ARHGEF10: variants seen among roughly 807,000 people sequenced by gnomAD.
ARHGEF10 encodes the protein Rho guanine nucleotide exchange factor 10.
ARHGEF10 carries 140 observed loss-of-function variants against 147.4 expected under a neutral mutation model. The ratio of observed to expected loss-of-function variants is 0.95; its 90% confidence interval spans 0.83 to 1.09. The LOEUF (loss-of-function observed/expected upper bound fraction) is 1.09. Ranked by LOEUF, ARHGEF10 falls within the 50% of genes least tolerant of loss-of-function variation. The pLI, the probability that ARHGEF10 is intolerant of heterozygous loss-of-function variation, is 0.00. For synonymous variants in ARHGEF10, 902 were observed against 695.8 expected (o/e 1.30, Z -4.67); for missense variants, 2,222 against 1,752.7 (o/e 1.27, Z -4.78).
chr8:1,890,042 G>C (rs1294346204), intron 11 of ARHGEF10, among the ~76,000 whole-genome samples: 2 of 149,016 alleles, frequency 1.3e-5, no homozygotes, highest in South Asian at 2.1e-4. Context: ...GAGACACTGA[G>C]TGGGGTAAGG....
intron 14 of ARHGEF10, among the ~76,000 whole-genome samples, chr8:1,897,673 G>C (rs1249666201): frequency 6.6e-6 from 1 of 152,210 alleles, no homozygotes; most frequent in Non-Finnish European, 1.5e-5. Context: ...CTGTCCTTTG[G>C]CTAGGGAACC....
chr8:1,836,622 G>T (rs867963774), intron 1 of ARHGEF10, among the ~76,000 whole-genome samples: 4 of 152,194 alleles, frequency 2.6e-5, no homozygotes, highest in African/African-American at 7.2e-5. Flanking sequence ...AGCAGGCTGT[G>T]GGGGGGAGAA....
At position 1,957,034 on chromosome 8, in the gene ARHGEF10, C is replaced by G; in HGVS notation, c.3806C>G (p.Ser1269Cys). 6.2e-7 allele frequency: 1 copy of G among 1,613,968 alleles called. No individual in the cohort carries two copies. Among genetic ancestry groups the G allele is most frequent in the South Asian group, 1.1e-5 (1 of 91,086 alleles). The change falls in exon 29 of 29, where the codon TCC becomes TGC. Residue 1269 changes from serine to cysteine, a missense_variant. Physicochemically the swap from Ser to Cys is moderately radical, Grantham distance 112. Coordinates refer to ENST00000349830, the MANE Select transcript of ARHGEF10 (RefSeq NM_014629.4). ...GGGTCCCTGAGCTTGTCTCACGGCT[C>G]CAGCTCTCTAGAGCACAGATCAGAG... ...SSGSLSLSHG[S>C]SSLEHRSEDS...
intron 25 of ARHGEF10, among the ~76,000 whole-genome samples, chr8:1,930,003 C>T (rs982163038): frequency 5.3e-5 from 8 of 152,152 alleles, no homozygotes; most frequent in Non-Finnish European, 7.3e-5. Flanking sequence ...CAGCCCCTGC[C>T]GCGTTGGTGG....
chr8:1,858,258 T>C (rs545934959), intron 3 of ARHGEF10, 143 bp downstream of exon 3: 2 of 479,296 alleles, frequency 4.2e-6, no homozygotes, highest in Middle Eastern at 6.8e-4. Flanking sequence ...GTGAGTCCCC[T>C]GGGGGGTTCC....
intron 25 of ARHGEF10, among the ~76,000 whole-genome samples, chr8:1,932,321 GCA>G (rs774903555): frequency 5.3e-5 from 8 of 152,224 alleles, no homozygotes; most frequent in Admixed American, 1.3e-4. Flanking sequence ...ATGTGTGTAT[GCA>G]CACGTGATTG....
intron 2 of ARHGEF10, among the ~76,000 whole-genome samples, chr8:1,849,805 CTG>C (rs1804896196): frequency 1.5e-5 from 2 of 135,600 alleles, no homozygotes; most frequent in African/African-American, 2.9e-5. Flanking sequence ...CGTGGGCCGG[CTG>C]CGTGGACACA....
chr8:1,951,807 G>T (rs1399880434), intron 27 of ARHGEF10, among the ~76,000 whole-genome samples: 1 of 152,096 alleles, frequency 6.6e-6, no homozygotes, highest in Non-Finnish European at 1.5e-5. Flanking sequence ...GAGTTGTGGT[G>T]GAATGATGTG....
At chr8:1,893,079 T>A (rs1465448949) in intron 11 of ARHGEF10, among the ~76,000 whole-genome samples, 1 of 115,426 alleles carries the variant, frequency 8.7e-6, no homozygotes, top group Non-Finnish European at 1.6e-5. Flanking sequence ...TTTGGATGGT[T>A]GAAAGATCTT....
chr8:1,909,300 C>G lies in ARHGEF10; in HGVS notation c.1973C>G (p.Ser658Cys), dbSNP rs766021115. 2 of 1,614,238 alleles carry G rather than the reference C, an allele frequency of 1.2e-6. No individual in the cohort carries two copies. The highest frequency in any genetic ancestry group is 8.5e-7 in the Non-Finnish European group (1 of 1,180,044). ...LMCATVSSRP[S>C]HDSRVMSSQR... The stretch of plus-strand genomic sequence containing the variant: ...GGATCTTTTGGTCGTTTCAGCCCCT[C>G]TCATGACAGCCGTGTGATGAGCAGC... Residue 658 changes from serine to cysteine, a missense_variant, in exon 18 of 29, where the codon TCT (serine) becomes TGT (cysteine). By Grantham distance (112) the Ser-to-Cys change is moderately radical. Coordinates refer to ENST00000349830, the MANE Select transcript of ARHGEF10 (RefSeq NM_014629.4).
chr8:1,885,487 T>A (rs1474013096), intron 10 of ARHGEF10, 114 bp from the exon 11 acceptor site: 2 of 729,436 alleles, frequency 2.7e-6, no homozygotes, highest in Non-Finnish European at 4.7e-6. Flanking sequence ...CAAGTAAGCA[T>A]GGAAAATTGA....
intron 26 of ARHGEF10, chr8:1,943,743 A>G: frequency 6.6e-6 from 1 of 152,210 alleles, no homozygotes; most frequent in East Asian, 1.9e-4. Flanking sequence ...ATTGACAAAT[A>G]TTTAAATTCA....
rs139807356 is a variant in ARHGEF10, at chr8:1,929,888, C to G, written c.3079+445C>G. ...TCTCTTGGCCACAGGGCTAAGGACT[C>G]CATTGTGTTCTGCTGGGTGCCTTAG... On this transcript the variant is annotated intron_variant, in intron 25 of 28. Transcript: ENST00000349830. Among the ~76,000 whole-genome samples the G allele has an allele frequency of 3.9e-3, 590 of 152,312 alleles. 4 individuals are homozygous for G. Among genetic ancestry groups the G allele is most frequent in the East Asian group, 0.031 (160 of 5,148 alleles).
At chr8:1,843,233 A>G (rs574863215) in intron 1 of ARHGEF10, 120 bp from the exon 2 acceptor site, 11 of 714,684 alleles carry the variant, frequency 1.5e-5, no homozygotes, top group South Asian at 1.5e-4. Context: ...TCTTCTAATT[A>G]TGGCTAGTAA....
At chr8:1,929,265 G>A in intron 24 of ARHGEF10, 21 bp from the exon 25 acceptor site, 1 of 1,612,732 alleles carries the variant, frequency 6.2e-7, no homozygotes, top group Non-Finnish European at 8.5e-7. Flanking sequence ...ATATTTATTA[G>A]CTTGTATTTT....
intron 2 of ARHGEF10, among the ~76,000 whole-genome samples, chr8:1,850,915 T>G (rs1223682198): frequency 6.6e-6 from 1 of 152,032 alleles, no homozygotes; most frequent in Non-Finnish European, 1.5e-5. Context: ...GAGCCTTAAA[T>G]GCATCTTACT....
chr8:1,867,516 G>A (rs1224006976), intron 6 of ARHGEF10, among the ~76,000 whole-genome samples: 2 of 152,040 alleles, frequency 1.3e-5, no homozygotes, highest in Non-Finnish European at 2.9e-5. Flanking sequence ...ATTATGTCCC[G>A]TCTCTGTGTG....
In ARHGEF10 at chr8:1,896,417, G is replaced by C; in HGVS notation, c.1525G>C (p.Ala509Pro). The change falls in exon 14 of 29, where the codon GCC becomes CCC. Residue 509 changes from alanine to proline, a missense_variant. Physicochemically the swap from Ala to Pro is conservative, Grantham distance 27 (BLOSUM62 -1). Transcript: ENST00000349830. ...CGTGGCAGTCCTCAAGAAAACATGT[G>C]CCACAAAGCCCGCTTTTCTTGAATT... is the stretch of plus-strand genomic sequence containing the variant. ...TAVAVLKKTC[A>P]TKPAFLEFLK... is the part of the protein sequence containing the mutation. 6.2e-7 allele frequency: 1 copy of C among 1,613,716 alleles called. No individual in the cohort carries two copies. The highest frequency in any genetic ancestry group is 2.2e-5 in the East Asian group (1 of 44,868).
At chr8:1,925,212 C>A (rs1812591864) in intron 21 of ARHGEF10, 71 bp from the exon 22 acceptor site, 5 of 1,601,374 alleles carry the variant, frequency 3.1e-6, no homozygotes, top group Non-Finnish European at 3.4e-6. Flanking sequence ...CTGCTATGAC[C>A]TGTGGAGCTG....
Sources: gnomAD v4.1 joint callset for allele counts (sites outside exome capture counted in the v4.1 genomes callset) on GRCh38, gnomAD v4.1.1 for gene constraint, MANE v1.5 for transcripts, NCBI Gene and HGNC (gene_info 2026-07-23, HGNC 2026-07-21) for gene names.